NSMCE2: variants seen among roughly 807,000 people sequenced by gnomAD.
NSMCE2 encodes NSE2 SUMO ligase component of SMC5/6 complex, also known as E3 SUMO-protein ligase NSE2.
NSMCE2 carries 24 observed loss-of-function variants against 23.8 expected under a neutral mutation model. The ratio of observed to expected loss-of-function variants is 1.01; its 90% confidence interval spans 0.73 to 1.42. The LOEUF is 1.42. NSMCE2 is among the 40% of genes most tolerant of loss of function. The pLI is 0.00. For synonymous variants in NSMCE2, 92 were observed against 94.1 expected (o/e 0.98, Z 0.13); for missense variants, 284 against 296.5 (o/e 0.96, Z 0.31).
In NSMCE2 at chr8:125,267,297, G is replaced by A. The variant is rs1000791932; in HGVS notation, c.418+85041G>A. Among the ~76,000 whole-genome samples, 7 of 152,120 alleles carry A rather than the reference G, an allele frequency of 4.6e-5. No homozygotes were observed. The South Asian group carries it at 6.2e-4, about 14-fold the overall frequency. On this transcript the variant is annotated intron_variant, in intron 5 of 7. Transcript: ENST00000287437. Reference sequence around the variant, plus strand: ...GCTAGGATTACAGGCCTGAGCCACCGCGCCCAGCCAAGGGTACCTTTTCTA... The same window carrying A: ...GCTAGGATTACAGGCCTGAGCCACCACGCCCAGCCAAGGGTACCTTTTCTA...
chr8:125,293,489 A>G (rs997285013), intron 5 of NSMCE2, among the ~76,000 whole-genome samples: 1 of 134,316 alleles, frequency 7.4e-6, no homozygotes, highest in Non-Finnish European at 1.6e-5. Context: ...GTTAATTTTG[A>G]AATTTATTTG....
intron 3 of NSMCE2, among the ~76,000 whole-genome samples, chr8:125,147,502 G>A (rs2891632): frequency 9.8e-5 from 15 of 152,292 alleles, no homozygotes; most frequent in Non-Finnish European, 1.0e-4. Context: ...AAGATATCAA[G>A]AGTGTATGTG....
At chr8:125,235,613 T>G (rs1825510897) in intron 5 of NSMCE2, among the ~76,000 whole-genome samples, 1 of 152,230 alleles carries the variant, frequency 6.6e-6, no homozygotes, top group Non-Finnish European at 1.5e-5. Context: ...ATGTCATTTG[T>G]TTTTACTTCA....
intron 5 of NSMCE2, among the ~76,000 whole-genome samples, chr8:125,211,706 T>C (rs537351025): frequency 1.1e-4 from 16 of 152,330 alleles, no homozygotes; most frequent in Admixed American, 9.1e-4. Flanking sequence ...CCATCAACAA[T>C]GTATGAGAGC....
chr8:125,188,814 A>G (rs567529146), intron 5 of NSMCE2, among the ~76,000 whole-genome samples: 20 of 152,284 alleles, frequency 1.3e-4, no homozygotes, highest in Non-Finnish European at 2.6e-4. Flanking sequence ...GTTGGGTTCT[A>G]TTGAAAAAGC....
At chr8:125,282,579 G>A (rs1827736990) in intron 5 of NSMCE2, among the ~76,000 whole-genome samples, 2 of 152,214 alleles carry the variant, frequency 1.3e-5, no homozygotes, top group Non-Finnish European at 1.5e-5. Flanking sequence ...TTGGCTTGGG[G>A]CTTTTGTCTT....
At chr8:125,228,479 G>A (rs1825191622) in intron 5 of NSMCE2, among the ~76,000 whole-genome samples, 1 of 152,168 alleles carries the variant, frequency 6.6e-6, no homozygotes, top group African/African-American at 2.4e-5. Flanking sequence ...AAACACAAAA[G>A]GAAAGTGATG....
intron 5 of NSMCE2, among the ~76,000 whole-genome samples, chr8:125,298,691 T>TTTG (rs1563770287): frequency 1.3e-5 from 1 of 75,598 alleles, no homozygotes; most frequent in African/African-American, 5.8e-5. Flanking sequence ...CTGTGGGTTT[T>TTTG]TTTTTGTTTT....
At chr8:125,138,264 C>T (rs1409736690) in intron 3 of NSMCE2, among the ~76,000 whole-genome samples, 18 of 152,180 alleles carry the variant, frequency 1.2e-4, no homozygotes. Context: ...ATCTCTGTCA[C>T]TCAGGATGGA....
rs1194960703 is a variant in NSMCE2 at position 125,102,367 on chromosome 8, G to A, written c.37G>A (p.Gly13Ser). The change falls in exon 3 of 8, where the codon GGT becomes AGT. Residue 13 changes from glycine to serine, a missense_variant. Coordinates refer to ENST00000287437, the MANE Select transcript of NSMCE2 (RefSeq NM_173685.4). ...TTCCAGTTCAAATTCAGGTTCAACTGGTTTCATCTCCTTCAGTGGTGTAGA... is the reference window on the plus strand; with the variant it reads ...TTCCAGTTCAAATTCAGGTTCAACTAGTTTCATCTCCTTCAGTGGTGTAGA... ...GRSSSNSGST[G>S]FISFSGVESA... 6.2e-7 allele frequency: 1 copy of A among 1,613,840 alleles called. No individual in the cohort carries two copies. Among genetic ancestry groups the A allele is most frequent in the African/African-American group, 1.3e-5 (1 of 75,034 alleles).
In NSMCE2 at chr8:125,092,793, A is replaced by G. The variant is rs79670249; in HGVS notation, c.-111+835A>G. Among the ~76,000 whole-genome samples the G allele has an allele frequency of 7.7e-3, 1,169 of 152,348 alleles. 24 individuals carry two copies. The highest frequency in any genetic ancestry group is 0.027 in the African/African-American group (1,120 of 41,580). On this transcript the variant is annotated intron_variant, in intron 1 of 7. Transcript: ENST00000287437. ...GATCATAGGTACCGGGAAGAAAAAG[A>G]TCAGTGTTATTACCTGGGGAGGGAT...
chr8:125,295,719 G>A (rs1357282481), intron 5 of NSMCE2, among the ~76,000 whole-genome samples: 1 of 152,124 alleles, frequency 6.6e-6, no homozygotes, highest in Admixed American at 6.5e-5. Context: ...GGGAATAGTT[G>A]GAAGGAATAG....
chr8:125,186,816 C>T (rs1328898733), intron 5 of NSMCE2, among the ~76,000 whole-genome samples: 2 of 152,128 alleles, frequency 1.3e-5, no homozygotes, highest in Non-Finnish European at 2.9e-5. Context: ...TATTTACCAT[C>T]CCCAGAATAC....
intron 5 of NSMCE2, among the ~76,000 whole-genome samples, chr8:125,249,170 CAA>C (rs757506151): frequency 2.0e-4 from 23 of 112,794 alleles, no homozygotes; most frequent in South Asian, 2.7e-4. Context: ...GACTCTGTCT[CAA>C]AAAAAAAAAA....
chr8:125,126,636 AT>A (rs1819532354), intron 3 of NSMCE2, among the ~76,000 whole-genome samples: 1 of 152,216 alleles, frequency 6.6e-6, no homozygotes, highest in South Asian at 2.1e-4. Context: ...AGAGGGCATC[AT>A]ATTCTGTTGG....
intron 3 of NSMCE2, among the ~76,000 whole-genome samples, chr8:125,147,844 G>C (rs1213992364): frequency 6.6e-6 from 1 of 152,148 alleles, no homozygotes; most frequent in African/African-American, 2.4e-5. Context: ...AGGTTAACAA[G>C]AAGAACAAAA....
chr8:125,188,588 A>G (rs1216251016), intron 5 of NSMCE2, among the ~76,000 whole-genome samples: 1 of 152,238 alleles, frequency 6.6e-6, no homozygotes, highest in East Asian at 1.9e-4. Flanking sequence ...AACACTGTTC[A>G]AACAAAACTG....
intron 4 of NSMCE2, among the ~76,000 whole-genome samples, chr8:125,153,901 T>G (rs984607656): frequency 6.6e-6 from 1 of 152,196 alleles, no homozygotes; most frequent in Non-Finnish European, 1.5e-5. Context: ...TTTTGCTCAC[T>G]TTATTTCAGG....
intron 5 of NSMCE2, among the ~76,000 whole-genome samples, chr8:125,296,411 T>TC (rs1828328768): frequency 6.6e-6 from 1 of 150,972 alleles, no homozygotes; most frequent in South Asian, 2.1e-4. Context: ...TTTTTTTTTT[T>TC]TGAAACGGAG....
Sources: allele counts gnomAD v4.1 joint callset (sites outside exome capture counted in the v4.1 genomes callset), GRCh38; gene constraint gnomAD v4.1.1; transcripts MANE v1.5; gene names NCBI Gene and HGNC (gene_info 2026-07-23, HGNC 2026-07-21).